Variants in DST observed in about 807,000 individuals in gnomAD.
The protein encoded by DST is bullous pemphigoid antigen.
A neutral mutation model predicts 875.2 loss-of-function variants in DST; 253 were observed. The observed-to-expected ratio is 0.29, with a 90% confidence interval of 0.26 to 0.32. DST has a LOEUF of 0.32. Among genes scored for constraint, DST ranks in the 10% least tolerant of loss-of-function variants. The pLI is 1.00. For synonymous variants in DST, 3,124 were observed against 3,197.1 expected, an observed-to-expected ratio of 0.98 and a Z score of 0.77; for missense variants, 8,287 against 9,111.6, an observed-to-expected ratio of 0.91 and a Z score of 3.68.
intron 4 of DST, among the ~76,000 whole-genome samples, chr6:56,814,929 TGA>T (rs1482409356): frequency 5.9e-5 from 9 of 152,014 alleles, no homozygotes; most frequent in Non-Finnish European, 1.3e-4. Flanking sequence ...GCAAGATAAA[TGA>T]GAGGCAGGAC....
chr6:56,588,148 A>C (rs915860731), intron 49 of DST, among the ~76,000 whole-genome samples: 2 of 152,216 alleles, frequency 1.3e-5, no homozygotes, highest in African/African-American at 4.8e-5. Flanking sequence ...CCCTGTTAAA[A>C]TCTCTTAGTA....
At chr6:56,649,846 G>A (rs1262773102) in intron 12 of DST, among the ~76,000 whole-genome samples, 1 of 152,156 alleles carries the variant, frequency 6.6e-6, no homozygotes, top group South Asian at 2.1e-4. Context: ...ACAGTGTGCC[G>A]AGGCAGTGGG....
At chr6:56,688,011 CT>C (rs1391523060) in intron 9 of DST, among the ~76,000 whole-genome samples, 1 of 152,040 alleles carries the variant, frequency 6.6e-6, no homozygotes, top group African/African-American at 2.4e-5. Context: ...GAAAGGCTAC[CT>C]TTTTTTGTAA....
At chr6:56,653,379 G>A (rs2152801634) in intron 10 of DST, among the ~76,000 whole-genome samples, 1 of 152,220 alleles carries the variant, frequency 6.6e-6, no homozygotes, top group East Asian at 1.9e-4. Flanking sequence ...AATGGGAAAA[G>A]GGAAAACTTT....
intron 27 of DST, 58 bp downstream of exon 27, chr6:56,634,074 T>C (rs994022002): frequency 3.1e-5 from 50 of 1,599,298 alleles, no homozygotes; most frequent in Non-Finnish European, 4.2e-5. Flanking sequence ...CTACGACACA[T>C]ATGAAAAGGC....
chr6:56,612,159 T>TCAAAG (rs1486582363), intron 37 of DST, among the ~76,000 whole-genome samples: 1 of 152,156 alleles, frequency 6.6e-6, no homozygotes, highest in African/African-American at 2.4e-5. Flanking sequence ...TGTTTTGAGC[T>TCAAAG]CAGGCGTTTG....
At chr6:56,774,113 CA>C (rs59394529) in intron 4 of DST, among the ~76,000 whole-genome samples, 1,058 of 76,144 alleles carry the variant, frequency 0.014, 11 homozygotes, top group African/African-American at 0.037. Context: ...GATTCTGTCT[CA>C]AAAAAAAAAA....
At chr6:56,617,380 G>A (rs1017940301) in intron 36 of DST, 1 of 1,613,632 alleles carries the variant, frequency 6.2e-7, no homozygotes, top group South Asian at 1.1e-5. Context: ...TTAATGTTGT[G>A]ACTTCTGTAT....
At chr6:56,523,925 G>A (rs935552588) in intron 69 of DST, among the ~76,000 whole-genome samples, 2 of 152,076 alleles carry the variant, frequency 1.3e-5, no homozygotes, top group South Asian at 2.1e-4. Flanking sequence ...AGGTCATATC[G>A]TGTCCCTATT....
chr6:56,627,384 C>T (rs2098744376), intron 33 of DST, 97 bp from the exon 34 acceptor site: 2 of 845,216 alleles, frequency 2.4e-6, no homozygotes, highest in South Asian at 2.6e-5. Context: ...CATCACTTCA[C>T]AGTACAGCTC....
intron 9 of DST, among the ~76,000 whole-genome samples, chr6:56,686,943 GAAT>G (rs1482520277): frequency 2.6e-5 from 4 of 152,144 alleles, no homozygotes; most frequent in Non-Finnish European, 4.4e-5. Flanking sequence ...TTAAGGATGG[GAAT>G]AATAAGACCT....
chr6:56,627,070 T>A (rs1378327143), intron 34 of DST, 134 bp downstream of exon 34: 1 of 722,416 alleles, frequency 1.4e-6, no homozygotes, highest in East Asian at 2.6e-5. Flanking sequence ...CAAAGAATTA[T>A]TAGATAAGTG....
chr6:56,540,656 T>C (rs2097109879), intron 61 of DST: 2 of 152,628 alleles, frequency 1.3e-5, no homozygotes, highest in African/African-American at 4.8e-5. Flanking sequence ...GTTAAAAATA[T>C]GCTCATTTTC....
intron 36 of DST, chr6:56,620,644 C>CTGTTGCCT (rs765369114): frequency 6.2e-7 from 1 of 1,614,166 alleles, no homozygotes; most frequent in East Asian, 2.2e-5. Flanking sequence ...TATTCTCAAG[C>CTGTTGCCT]ACTGTTGCCT....
At chr6:56,783,784 T>C (rs2099699329) in intron 4 of DST, among the ~76,000 whole-genome samples, 1 of 152,216 alleles carries the variant, frequency 6.6e-6, no homozygotes, top group Non-Finnish European at 1.5e-5. Context: ...TAGCTGGTTA[T>C]TTTGCTCGTT....
In DST at chr6:56,527,710, T is replaced by C; in HGVS notation, c.17705A>G (p.Asp5902Gly). Reference sequence around the variant, plus strand: ...CCTTGCTTTAATGGCTTCCAATTTATCTTGAATTATTAAAACTTCATCACC... The same window carrying C: ...CCTTGCTTTAATGGCTTCCAATTTACCTTGAATTATTAAAACTTCATCACC... The part of the protein sequence containing the change: ...TTGDEVLIIQ[D>G]KLEAIKARYK... The change falls in exon 68 of 104, where the codon GAT becomes GGT. Residue 5902 changes from aspartate to glycine, a missense_variant. Around this residue, in one of 10 missense-constraint regions of DST, gnomAD observed 777 missense variants for 764.8 expected, o/e 1.02. Coordinates refer to ENST00000680361, the MANE Select transcript of DST (RefSeq NM_001374736.1). 6.2e-7 allele frequency: 1 copy of C among 1,603,340 alleles called. No individual in the cohort carries two copies. Among genetic ancestry groups the C allele is most frequent in the Non-Finnish European group, 8.5e-7 (1 of 1,175,584 alleles).
intron 38 of DST, 113 bp downstream of exon 38, chr6:56,611,395 A>C (rs1390002513): frequency 1.4e-6 from 1 of 695,872 alleles, no homozygotes; most frequent in African/African-American, 1.8e-5. Context: ...AATTGTGATT[A>C]GTTTGAGTCC....
chr6:56,917,356 T>A (rs1801743728), intron 2 of DST, among the ~76,000 whole-genome samples: 1 of 152,230 alleles, frequency 6.6e-6, no homozygotes, highest in Non-Finnish European at 1.5e-5. Flanking sequence ...GAGCAGGTTT[T>A]AAACAAAGAT....
intron 3 of DST, among the ~76,000 whole-genome samples, chr6:56,881,203 G>A (rs1430571313): frequency 3.9e-5 from 6 of 151,996 alleles, no homozygotes; most frequent in Non-Finnish European, 7.4e-5. Context: ...GGCCAGGCAC[G>A]GTGGCTCACA....
Sources: gnomAD v4.1 joint callset for allele counts (sites outside exome capture counted in the v4.1 genomes callset) on GRCh38, gnomAD v4.1.1 for gene constraint, gnomAD v4.1.1 regional missense constraint, MANE v1.5 for transcripts, NCBI Gene and HGNC (gene_info 2026-07-23, HGNC 2026-07-21) for gene names.